The following GNPAT variants were observed in gnomAD, a reference collection of about 807,000 sequenced individuals.
The protein encoded by GNPAT is dihydroxyacetone phosphate acyltransferase.
Under a neutral mutation model 78.4 loss-of-function variants are expected in GNPAT, and 30 were observed. That is an observed-to-expected ratio of 0.38 (90% CI 0.29 to 0.52). The LOEUF (loss-of-function observed/expected upper bound fraction) is 0.52. Among genes scored for constraint, GNPAT ranks in the 20% least tolerant of loss-of-function variants. GNPAT has a pLI of 0.84. For synonymous variants in GNPAT, 271 were observed against 281.1 expected, an observed-to-expected ratio of 0.96 and a Z score of 0.36; for missense variants, 714 against 812.2, an observed-to-expected ratio of 0.88 and a Z score of 1.47.
chr1:231,277,437 G>A (rs972718114), intron 15 of GNPAT, 62 bp from the exon 16 acceptor site: 8 of 961,506 alleles, frequency 8.3e-6, no homozygotes, highest in Admixed American at 6.8e-5. Context: ...CCAAGGAACA[G>A]CTGTATGAGG....
chr1:231,250,935 T>C (rs757817204), intron 1 of GNPAT, 26 bp from the exon 2 acceptor site: 4 of 1,466,612 alleles, frequency 2.7e-6, no homozygotes, highest in Non-Finnish European at 3.8e-6. Flanking sequence ...CAGTATGTGC[T>C]CATTACTTTC....
intron 10 of GNPAT, 114 bp from the exon 11 acceptor site, chr1:231,272,198 T>C (rs768953275): frequency 5.8e-6 from 4 of 694,022 alleles, no homozygotes; most frequent in East Asian, 2.9e-5. Flanking sequence ...CTTGTCCCTG[T>C]TACATGAATA....
chr1:231,241,255 C>G lies in GNPAT; in HGVS notation c.-124C>G, dbSNP rs1385087098. ...CGGCGCCCGGGATCCTGTGTAGCGG[C>G]TGCAGAGGGTGCCGCCGCCCTAGGC... On this transcript the variant is annotated 5_prime_UTR_variant, in exon 1 of 16. Coordinates refer to ENST00000366647, the MANE Select transcript of GNPAT (RefSeq NM_014236.4). The G allele has an allele frequency of 1.4e-6, 2 of 1,443,246 alleles. No homozygotes were observed. Among genetic ancestry groups the G allele is most frequent in the African/African-American group, 2.8e-5 (2 of 71,158 alleles). The allele number at this position is 1,443,246 out of a possible 1,614,324, so 89.4% of individuals were successfully genotyped here.
Position 231,275,479 on chromosome 1 carries a change from G to A in GNPAT, c.1918G>A (p.Val640Ile), listed in dbSNP as rs1408478501. 2 of 1,598,352 alleles carry A rather than the reference G, an allele frequency of 1.3e-6. No homozygotes were observed. Among genetic ancestry groups the A allele is most frequent in the Non-Finnish European group, 1.7e-6 (2 of 1,165,564 alleles). The change falls in exon 14 of 16, where the codon GTA becomes ATA. Residue 640 changes from valine to isoleucine, a missense_variant. By Grantham distance (29) the Val-to-Ile change is conservative. Coordinates refer to ENST00000366647, the MANE Select transcript of GNPAT (RefSeq NM_014236.4). ...NALAACVRLG[V>I]VEKKKINNNC... ...CTTAGCAGCCTGTGTGAGGCTCGGA[G>A]TAGTGGAGAAGAAGAAGATGTAAGT...
At chr1:231,264,623 G>A (rs1685323447) in intron 4 of GNPAT, among the ~76,000 whole-genome samples, 3 of 152,172 alleles carry the variant, frequency 2.0e-5, no homozygotes, top group African/African-American at 7.2e-5. Flanking sequence ...TGAAAACTAG[G>A]GGAAATGAAG....
Position 231,265,478 on chromosome 1 carries a change from T to A in GNPAT, c.696+58T>A, listed in dbSNP as rs2102817860. 5.0e-6 allele frequency: 7 copies of A among 1,386,284 alleles called. No individual in the cohort carries two copies. The South Asian group carries it at 5.8e-5, about 12-fold the overall frequency. 85.9% of individuals were successfully genotyped at this position (1,386,284 alleles called of 1,614,324 possible). A position where few individuals can be genotyped will look rare whatever the true frequency, so the allele number is the denominator to read the frequency against. The stretch of plus-strand genomic sequence containing the variant: ...CCATATTTTCTTCACTGATGTTTGC[T>A]CATTTAAACTCTTAACTTCTGAATA... On this transcript the variant is annotated intron_variant, in intron 5 of 15. Transcript: ENST00000366647.
At position 231,241,324 on chromosome 1, in the gene GNPAT, C is replaced by G; in HGVS notation, c.-55C>G. 2 of 1,483,972 alleles carry G rather than the reference C, an allele frequency of 1.3e-6. No homozygotes were observed. Among genetic ancestry groups the G allele is most frequent in the Non-Finnish European group, 1.9e-6 (2 of 1,061,302 alleles). 91.9% of individuals were successfully genotyped at this position (1,483,972 alleles called of 1,614,324 possible). On this transcript the variant is annotated 5_prime_UTR_variant, in exon 1 of 16. Transcript: ENST00000366647. ...GCGAAAGAACCGCCCCCAGCAGGAG[C>G]ACCACCACGGCTTAGCAAAGAATCC...
In GNPAT at chr1:231,262,859, A is replaced by G. The variant is rs1685263455; in HGVS notation, c.568+7A>G. Reference sequence around the variant, plus strand: ...GTTATAGCAGCAGGAATGGGTATGTATTGTTTTTCTGTTTTTTTAACTGTA... The same window carrying G: ...GTTATAGCAGCAGGAATGGGTATGTGTTGTTTTTCTGTTTTTTTAACTGTA... On this transcript the variant is annotated splice_region_variant and intron_variant, in intron 4 of 15. Transcript: ENST00000366647. 2 of 1,609,822 alleles carry G rather than the reference A, an allele frequency of 1.2e-6. No homozygotes were observed. The highest frequency in any genetic ancestry group is 1.7e-6 in the Non-Finnish European group (2 of 1,176,270).
At chr1:231,262,253 A>C (rs1249134345) in intron 3 of GNPAT, among the ~76,000 whole-genome samples, 1 of 152,184 alleles carries the variant, frequency 6.6e-6, no homozygotes, top group East Asian at 1.9e-4. Context: ...GTTTTCTCTT[A>C]CTACAACCAA....
intron 6 of GNPAT, 87 bp from the exon 7 acceptor site, chr1:231,265,927 G>A (rs906529760): frequency 8.7e-7 from 1 of 1,146,022 alleles, no homozygotes; most frequent in East Asian, 2.3e-5. Context: ...AGTGTATAAT[G>A]TATGCTTTTA....
intron 3 of GNPAT, among the ~76,000 whole-genome samples, chr1:231,262,019 T>C (rs905464513): frequency 1.3e-5 from 2 of 152,204 alleles, no homozygotes; most frequent in Non-Finnish European, 2.9e-5. Context: ...ACAGATTACC[T>C]GGCCTCTGTT....
chr1:231,252,928 C>G (rs149393639), intron 2 of GNPAT, among the ~76,000 whole-genome samples: 37 of 152,164 alleles, frequency 2.4e-4, no homozygotes, highest in Non-Finnish European at 4.7e-4. Flanking sequence ...TGTTTAAGGC[C>G]TCTCCCTGAC....
intron 4 of GNPAT, 21 bp from the exon 5 acceptor site, chr1:231,265,272 A>T: frequency 6.4e-7 from 1 of 1,566,916 alleles, no homozygotes; most frequent in East Asian, 2.2e-5. Context: ...CTGCAAATAA[A>T]TATTATCCCC....
chr1:231,241,547 G>A (rs1302093513), intron 1 of GNPAT, 91 bp downstream of exon 1: 6 of 966,494 alleles, frequency 6.2e-6, no homozygotes, highest in East Asian at 2.4e-5. Context: ...CACCACCCTT[G>A]CCCAAAAGAG....
chr1:231,254,720 T>C (rs184822417), intron 2 of GNPAT, among the ~76,000 whole-genome samples: 1 of 151,954 alleles, frequency 6.6e-6, no homozygotes, highest in Non-Finnish European at 1.5e-5. Flanking sequence ...AGTGCTACAA[T>C]TATAGGCGTG....
chr1:231,258,036 C>T (rs1195118912), intron 2 of GNPAT, among the ~76,000 whole-genome samples: 1 of 152,172 alleles, frequency 6.6e-6, no homozygotes, highest in Non-Finnish European at 1.5e-5. Context: ...CATAGGTTTA[C>T]GGTTATACTT....
At chr1:231,256,773 A>T (rs1460741174) in intron 2 of GNPAT, among the ~76,000 whole-genome samples, 1 of 152,202 alleles carries the variant, frequency 6.6e-6, no homozygotes. Context: ...GGCGTGAGCC[A>T]CTGCGCCCGG....
At chr1:231,263,404 T>G (rs1685278416) in intron 4 of GNPAT, among the ~76,000 whole-genome samples, 1 of 152,104 alleles carries the variant, frequency 6.6e-6, no homozygotes, top group Non-Finnish European at 1.5e-5. Flanking sequence ...GCATTCTACT[T>G]TCTGTCTCTG....
intron 2 of GNPAT, among the ~76,000 whole-genome samples, chr1:231,259,088 T>C (rs1313547879): frequency 6.6e-6 from 1 of 152,174 alleles, no homozygotes; most frequent in African/African-American, 2.4e-5. Context: ...CCACTGTCTT[T>C]AGTTCCTCAG....
Sources: allele counts gnomAD v4.1 joint callset (sites outside exome capture counted in the v4.1 genomes callset), GRCh38; gene constraint gnomAD v4.1.1; transcripts MANE v1.5; gene names NCBI Gene and HGNC (gene_info 2026-07-23, HGNC 2026-07-21).